The following CDK12 variants were observed in gnomAD, a reference collection of about 807,000 sequenced individuals.
The protein encoded by CDK12 is cyclin-dependent kinase 12.
CDK12 carries 17 observed loss-of-function variants against 133.8 expected under a neutral mutation model. The ratio of observed to expected loss-of-function variants is 0.13; its 90% CI spans 0.09 to 0.19. The LOEUF is 0.19. Ranked by LOEUF, CDK12 falls within the 10% of genes least tolerant of loss-of-function variation. The probability of loss-of-function intolerance (pLI) is 1.00; values close to 1 mark genes in which losing one functional copy is unlikely to be tolerated. For missense variants in CDK12, 1,508 were observed against 1,818.7 expected (o/e 0.83, Z 3.11); for synonymous variants, 694 against 683.6 (o/e 1.02, Z -0.24).
upstream of CDK12, chr17:39,546,797 G>A (rs2055728196): frequency 6.6e-6 from 1 of 152,146 alleles, no homozygotes; most frequent in African/African-American, 2.4e-5. Context: ...ACCCCAAACA[G>A]GGTTATGTTT....
intron 9 of CDK12, among the ~76,000 whole-genome samples, chr17:39,516,273 A>C (rs944238395): frequency 5.9e-5 from 9 of 152,224 alleles, no homozygotes; most frequent in African/African-American, 2.2e-4. Context: ...GGGAAAGCCC[A>C]GGATTGGGCT....
Position 39,531,393 on chromosome 17 carries a change from C to G in CDK12, c.*77C>G. On this transcript the variant is annotated 3_prime_UTR_variant, in exon 14 of 14. Coordinates refer to ENST00000447079, the MANE Select transcript of CDK12 (RefSeq NM_016507.4). ...CAGTTCTCTGAATCTTTAATGAAAT[C>G]ATTTGCCAGAGCGAGGTAATCATCT... 7.6e-7 allele frequency: 1 copy of G among 1,310,462 alleles called. No homozygotes were observed. The highest frequency in any genetic ancestry group is 9.9e-7 in the Non-Finnish European group (1 of 1,013,778). The allele number at this position is 1,310,462 out of a possible 1,614,324, so 81.2% of individuals were successfully genotyped here. A position where few individuals can be genotyped will look rare whatever the true frequency, so the allele number is the denominator to read the frequency against.
intron 11 of CDK12, among the ~76,000 whole-genome samples, chr17:39,524,324 C>T (rs915811012): frequency 3.3e-5 from 5 of 152,208 alleles, no homozygotes; most frequent in African/African-American, 7.2e-5. Flanking sequence ...TTACTGTCCT[C>T]GTCTTTATTC....
intron 2 of CDK12, among the ~76,000 whole-genome samples, chr17:39,489,005 C>T (rs1031471357): frequency 6.6e-6 from 1 of 151,918 alleles, no homozygotes; most frequent in Non-Finnish European, 1.5e-5. Flanking sequence ...ACTGCAACCT[C>T]CTCCTCCTAG....
chr17:39,502,585 G>A (rs1332442940), intron 6 of CDK12, among the ~76,000 whole-genome samples: 1 of 152,184 alleles, frequency 6.6e-6, no homozygotes, highest in Non-Finnish European at 1.5e-5. Context: ...GCAGTAAAAG[G>A]CTCACATGCG....
chr17:39,472,176 G>A (rs1459700538), intron 2 of CDK12, among the ~76,000 whole-genome samples: 1 of 151,686 alleles, frequency 6.6e-6, no homozygotes, highest in Non-Finnish European at 1.5e-5. Flanking sequence ...TAGAGATGGG[G>A]TTTCAACATG....
chr17:39,506,412 A>G (rs2053131810), intron 6 of CDK12, among the ~76,000 whole-genome samples: 2 of 151,014 alleles, frequency 1.3e-5, no homozygotes, highest in South Asian at 4.2e-4. Context: ...ACGGGGTTTC[A>G]CCATGTTGGC....
In CDK12 at chr17:39,471,815, T is replaced by C. The variant is rs1597933730; in HGVS notation, c.1931+52T>C. On this transcript the variant is annotated intron_variant, in intron 2 of 13. Transcript: ENST00000447079. Reference sequence around the variant, plus strand: ...ACCCCCTTGATCTAAACATAAAGCATTTTCTGTTTTAATCTTTGTCAACAC... The same window carrying C: ...ACCCCCTTGATCTAAACATAAAGCACTTTCTGTTTTAATCTTTGTCAACAC... 2.8e-6 allele frequency: 4 copies of C among 1,453,238 alleles called. No homozygotes were observed. In the African/African-American group the frequency reaches 5.7e-5, roughly 21 times the overall value. The allele number at this position is 1,453,238 out of a possible 1,614,324, so 90.0% of individuals were successfully genotyped here. A position where few individuals can be genotyped will look rare whatever the true frequency, so the allele number is the denominator to read the frequency against.
Position 39,526,014 on chromosome 17 carries a change from T to G in CDK12, c.3458T>G (p.Leu1153Arg). Residue 1153 changes from leucine to arginine, a missense_variant, in exon 13 of 14, where the codon CTG (leucine) becomes CGG (arginine). This residue lies in a region of CDK12 where 399 missense variants were observed against 469.6 expected (regional missense o/e 0.85). Coordinates refer to ENST00000447079, the MANE Select transcript of CDK12 (RefSeq NM_016507.4). Reference sequence around the variant, plus strand: ...GAGATGCAGCAGCAGCTGGAAGCCCTGAACCAATCCATCAGTGCCCTGACG... The same window carrying G: ...GAGATGCAGCAGCAGCTGGAAGCCCGGAACCAATCCATCAGTGCCCTGACG... ...NPEMQQQLEA[L>R]NQSISALTEA... 3.1e-6 allele frequency: 5 copies of G among 1,614,202 alleles called. No homozygotes were observed. The highest frequency in any genetic ancestry group is 2.2e-5 in the East Asian group (1 of 44,880).
At chr17:39,506,036 G>A (rs2053097868) in intron 6 of CDK12, among the ~76,000 whole-genome samples, 1 of 152,098 alleles carries the variant, frequency 6.6e-6, no homozygotes, top group South Asian at 2.1e-4. Context: ...GTAAGTGTAA[G>A]AGGGTAGGGG....
At chr17:39,564,714 G>C (rs1250848937) in intron 3 of CDK12, 1 of 152,138 alleles carries the variant, frequency 6.6e-6, no homozygotes, top group African/African-American at 2.4e-5. Flanking sequence ...CCCCTCCCCT[G>C]TCTATTTATA....
At chr17:39,487,173 A>G (rs1276906699) in intron 2 of CDK12, among the ~76,000 whole-genome samples, 1 of 152,170 alleles carries the variant, frequency 6.6e-6, no homozygotes, top group African/African-American at 2.4e-5. Context: ...TCCACTGACT[A>G]TCCCAGTTCT....
chr17:39,537,543 A>ATTTT (rs771034647), downstream of CDK12, among the ~76,000 whole-genome samples: 9 of 129,152 alleles, frequency 7.0e-5, no homozygotes, highest in East Asian at 2.0e-4. Flanking sequence ...ATAATTCCTT[A>ATTTT]TTTTTATTTA....
intron 1 of CDK12, among the ~76,000 whole-genome samples, chr17:39,464,966 T>C (rs902681710): frequency 4.1e-5 from 6 of 144,652 alleles, no homozygotes; most frequent in South Asian, 2.3e-4. Flanking sequence ...AAAAAAAAAA[T>C]TGGGCCAGGA....
intron 2 of CDK12, 104 bp from the exon 3 acceptor site, chr17:39,490,453 T>C (rs545247576): frequency 1.0e-5 from 7 of 690,690 alleles, no homozygotes; most frequent in South Asian, 5.0e-5. Context: ...CCTTAAAAAT[T>C]AGATCTTTCT....
intron 1 of CDK12, among the ~76,000 whole-genome samples, chr17:39,468,578 C>T (rs532759045): frequency 3.3e-5 from 5 of 152,052 alleles, no homozygotes; most frequent in Admixed American, 2.0e-4. Flanking sequence ...CAGGTTCAAG[C>T]GGTTCTCCTG....
Position 39,533,279 on chromosome 17 carries a change from T to C in CDK12, c.*1963T>C. 1 of 233,118 alleles carries C rather than the reference T, an allele frequency of 4.3e-6. No homozygotes were observed. 14.4% of individuals were successfully genotyped at this position (233,118 alleles called of 1,614,324 possible). A position where few individuals can be genotyped will look rare whatever the true frequency, so the allele number is the denominator to read the frequency against. On this transcript the variant is annotated 3_prime_UTR_variant, in exon 14 of 14. Coordinates refer to ENST00000447079, the MANE Select transcript of CDK12 (RefSeq NM_016507.4). Reference sequence around the variant, plus strand: ...TAGCTATTTTGGCATTGATGGCTTTTTATACCAGTGTGTCCAGTTAGATTT... The same window carrying C: ...TAGCTATTTTGGCATTGATGGCTTTCTATACCAGTGTGTCCAGTTAGATTT...
intron 1 of CDK12, among the ~76,000 whole-genome samples, chr17:39,468,686 G>C (rs1226231561): frequency 6.6e-6 from 1 of 151,866 alleles, no homozygotes; most frequent in African/African-American, 2.4e-5. Flanking sequence ...TATTGGTCAG[G>C]CTGGTCTCGA....
intron 1 of CDK12, among the ~76,000 whole-genome samples, chr17:39,469,456 G>T (rs115101814): frequency 1.3e-5 from 2 of 152,072 alleles, no homozygotes; most frequent in African/African-American, 4.8e-5. Flanking sequence ...TTGGGAATTT[G>T]TTTAGTACTT....
Sources: allele counts gnomAD v4.1 joint callset (sites outside exome capture counted in the v4.1 genomes callset), GRCh38; gene constraint gnomAD v4.1.1; regional missense constraint gnomAD v4.1.1; transcripts MANE v1.5; gene names NCBI Gene and HGNC (gene_info 2026-07-23, HGNC 2026-07-21).